The following DLGAP1 variants were observed in gnomAD, a reference collection of about 807,000 sequenced individuals.
DLGAP1 encodes DLG associated protein 1, also known as disks large-associated protein 1.
DLGAP1 carries 11 observed loss-of-function variants against 90.8 expected under a neutral mutation model. The observed-to-expected ratio is 0.12, with a 90% confidence interval of 0.08 to 0.20. The LOEUF (loss-of-function observed/expected upper bound fraction) is 0.20. Ranked by LOEUF, DLGAP1 falls within the 10% of genes least tolerant of loss-of-function variation. DLGAP1 has a pLI of 1.00. For synonymous variants in DLGAP1, 558 were observed against 540.7 expected (o/e 1.03, Z -0.44); for missense variants, 1,050 against 1,333.8 (o/e 0.79, Z 3.31).
At chr18:4,270,335 C>T (rs901300544) in intron 1 of DLGAP1, among the ~76,000 whole-genome samples, 6 of 152,278 alleles carry the variant, frequency 3.9e-5, no homozygotes, top group African/African-American at 1.4e-4. Flanking sequence ...ACAACCTACT[C>T]TTAGGCAGCA....
intron 1 of DLGAP1, among the ~76,000 whole-genome samples, chr18:4,256,585 C>T (rs1365575585): frequency 1.3e-5 from 2 of 152,138 alleles, no homozygotes; most frequent in African/African-American, 4.8e-5. Flanking sequence ...ATGTACTCAA[C>T]TCAAGGTCCT....
rs1456136822 is a variant in DLGAP1 at position 4,383,683 on chromosome 18, T to C, written c.-267+71323A>G. On this transcript the variant is annotated intron_variant, in intron 1 of 12. Coordinates refer to ENST00000315677, the MANE Select transcript of DLGAP1 (RefSeq NM_004746.4). The surrounding 1 kb of genome is among the most constrained non-coding windows in gnomAD (Gnocchi z 4.0). ...AGTGATTAAACATCACAGATTATTATACTTCCTTTTGATAACCCACATAAT... is the reference window on the plus strand; with the variant it reads ...AGTGATTAAACATCACAGATTATTACACTTCCTTTTGATAACCCACATAAT... Among the ~76,000 whole-genome samples, 1 of 152,150 alleles carries C rather than the reference T, an allele frequency of 6.6e-6. No individual in the cohort carries two copies. The highest frequency in any genetic ancestry group is 1.5e-5 in the Non-Finnish European group (1 of 68,004).
intron 3 of DLGAP1, among the ~76,000 whole-genome samples, chr18:3,964,385 GAA>G (rs1334152362): frequency 2.0e-5 from 3 of 152,190 alleles, no homozygotes; most frequent in Admixed American, 1.3e-4. Flanking sequence ...TGTAGAAGGA[GAA>G]AAGAGTCTGC....
At chr18:4,390,924 C>G (rs1043928006) in intron 1 of DLGAP1, among the ~76,000 whole-genome samples, 6 of 152,168 alleles carry the variant, frequency 3.9e-5, no homozygotes, top group African/African-American at 1.4e-4. Context: ...CCTCTTGGGC[C>G]TGCTCCATCA....
intron 5 of DLGAP1, among the ~76,000 whole-genome samples, chr18:3,803,437 T>G (rs2066409749): frequency 6.6e-6 from 1 of 152,140 alleles, no homozygotes; most frequent in Non-Finnish European, 1.5e-5. Flanking sequence ...CCCACAGCAG[T>G]GTCCATCTCT....
At chr18:3,529,316 A>G (rs1015863909) in intron 10 of DLGAP1, among the ~76,000 whole-genome samples, 6 of 152,172 alleles carry the variant, frequency 3.9e-5, no homozygotes, top group African/African-American at 1.4e-4. Context: ...AACAGAGAGC[A>G]GCCCTTGCCA....
intron 9 of DLGAP1, among the ~76,000 whole-genome samples, chr18:3,547,895 T>C (rs975749950): frequency 1.3e-5 from 2 of 152,156 alleles, no homozygotes; most frequent in Non-Finnish European, 2.9e-5. Flanking sequence ...ATCTAGGCAA[T>C]TGGATATTAT....
intron 1 of DLGAP1, among the ~76,000 whole-genome samples, chr18:4,414,613 C>A (rs1257246257): frequency 6.6e-6 from 1 of 151,758 alleles, no homozygotes; most frequent in Non-Finnish European, 1.5e-5. Context: ...GTAATCCCAG[C>A]TACTCGGGAG....
intron 3 of DLGAP1, among the ~76,000 whole-genome samples, chr18:3,892,513 A>G (rs1313208928): frequency 6.6e-6 from 1 of 152,308 alleles, no homozygotes; most frequent in East Asian, 1.9e-4. Context: ...GTACAAATAT[A>G]GCCTCCTTCT....
intron 7 of DLGAP1, among the ~76,000 whole-genome samples, chr18:3,661,922 G>A (rs1289182169): frequency 6.6e-6 from 1 of 152,026 alleles, no homozygotes; most frequent in Non-Finnish European, 1.5e-5. Context: ...AAGGCTGGGA[G>A]GACTGAAAAT....
chr18:3,817,713 C>A (rs1405020970), intron 4 of DLGAP1, among the ~76,000 whole-genome samples: 1 of 152,104 alleles, frequency 6.6e-6, no homozygotes, highest in Non-Finnish European at 1.5e-5. Flanking sequence ...ATAAGCATAC[C>A]AGGCCCAAAG....
At chr18:3,719,164 A>G (rs2061876551) in intron 7 of DLGAP1, among the ~76,000 whole-genome samples, 1 of 152,150 alleles carries the variant, frequency 6.6e-6, no homozygotes, top group Non-Finnish European at 1.5e-5. Context: ...TAAGGTTTCT[A>G]TACTTCATCC....
intron 1 of DLGAP1, among the ~76,000 whole-genome samples, chr18:4,375,779 T>C (rs1189789335): frequency 2.6e-5 from 4 of 152,288 alleles, no homozygotes; most frequent in African/African-American, 9.6e-5. Context: ...ATCCTTTCAA[T>C]TGAATTATGA....
At chr18:4,182,633 T>C (rs1279982189) in intron 1 of DLGAP1, among the ~76,000 whole-genome samples, 1 of 152,178 alleles carries the variant, frequency 6.6e-6, no homozygotes, top group Non-Finnish European at 1.5e-5. Flanking sequence ...ATAAACATAT[T>C]AATAAACTTC....
At chr18:4,096,213 T>C (rs148028096) in intron 2 of DLGAP1, among the ~76,000 whole-genome samples, 1,579 of 152,090 alleles carry the variant, frequency 0.01, 32 homozygotes, top group South Asian at 0.042. Context: ...TTTTAAGATA[T>C]GGGGTTTCAC....
chr18:3,551,352 G>A (rs58309139), intron 9 of DLGAP1, among the ~76,000 whole-genome samples: 92,478 of 151,642 alleles, frequency 0.61, 29,565 homozygotes, highest in Non-Finnish European at 0.69. Flanking sequence ...CAGGTTCCAC[G>A]ATTCCCCTGC....
intron 7 of DLGAP1, among the ~76,000 whole-genome samples, chr18:3,728,903 G>C (rs562330703): frequency 1.3e-5 from 2 of 152,298 alleles, no homozygotes; most frequent in South Asian, 2.1e-4. Flanking sequence ...TCATGGTGCC[G>C]TTGTTGCAGT....
intron 2 of DLGAP1, among the ~76,000 whole-genome samples, chr18:4,064,161 T>G (rs2075338464): frequency 1.3e-5 from 2 of 152,056 alleles, no homozygotes; most frequent in African/African-American, 4.8e-5. Context: ...TTTTGTCTTT[T>G]TTTTTCCACT....
intron 4 of DLGAP1, among the ~76,000 whole-genome samples, chr18:3,856,291 A>G (rs771296410): frequency 1.6e-4 from 24 of 152,216 alleles, no homozygotes; most frequent in Non-Finnish European, 2.9e-4. Context: ...AATGAACTCA[A>G]CGGAACAGAA....
Sources: allele counts gnomAD v4.1 joint callset (sites outside exome capture counted in the v4.1 genomes callset), GRCh38; gene constraint gnomAD v4.1.1; non-coding constraint Gnocchi (gnomAD v3.1); transcripts MANE v1.5; gene names NCBI Gene and HGNC (gene_info 2026-07-23, HGNC 2026-07-21).